Variants in EPHA5 observed in about 807,000 individuals in gnomAD.
EPHA5 encodes EPH receptor A5, also known as ephrin type-A receptor 5.
Under a neutral mutation model 105.0 loss-of-function variants are expected in EPHA5, and 60 were observed. The observed-to-expected ratio is 0.57, with a 90% CI of 0.46 to 0.71. The LOEUF (loss-of-function observed/expected upper bound fraction) is 0.71. Ranked by LOEUF, EPHA5 falls within the 30% of genes least tolerant of loss-of-function variation. The pLI is 0.00. For missense variants in EPHA5, 1,218 were observed against 1,274.7 expected, an observed-to-expected ratio of 0.96 and a Z score of 0.68; for synonymous variants, 513 against 449.1, an observed-to-expected ratio of 1.14 and a Z score of -1.80.
At chr4:65,525,819 A>C (rs941372196) in intron 3 of EPHA5, among the ~76,000 whole-genome samples, 2 of 151,906 alleles carry the variant, frequency 1.3e-5, no homozygotes, top group Non-Finnish European at 2.9e-5. Context: ...TCCTTCAAAC[A>C]AGTACCATGG....
At position 65,582,474 on chromosome 4, in the gene EPHA5, GAA is replaced by G. The variant is rs35859138; in HGVS notation, c.910+19165_910+19166del. 2.7e-4 allele frequency among the ~76,000 whole-genome samples: 37 copies of G among 139,450 alleles called. 1 individual carries two copies. Among genetic ancestry groups the G allele is most frequent in the East Asian group, 8.2e-4 (4 of 4,876 alleles). The allele number at this position is 139,450 out of a possible 152,430, so 91.5% of individuals were successfully genotyped here. ...GACACCAAAAGGGACTAGCAATTGGGAAAAAAAAAAAAAAGAAAATCCAGAAG... is the reference window on the plus strand; with the variant it reads ...GACACCAAAAGGGACTAGCAATTGGGAAAAAAAAAAAAGAAAATCCAGAAG... On this transcript the variant is annotated intron_variant, in intron 3 of 16. Transcript: ENST00000613740.
intron 5 of EPHA5, among the ~76,000 whole-genome samples, chr4:65,456,972 A>C (rs1274696459): frequency 2.0e-5 from 3 of 152,182 alleles, no homozygotes; most frequent in Admixed American, 6.6e-5. Flanking sequence ...TATGCATTAT[A>C]AATATCATTG....
In EPHA5 at chr4:65,566,970, A is replaced by G. The variant is rs527815865; in HGVS notation, c.910+34671T>C. Among the ~76,000 whole-genome samples, 30 of 151,674 alleles carry G rather than the reference A, an allele frequency of 2.0e-4. 1 individual carries two copies. In the South Asian group the frequency reaches 3.9e-3, roughly 20 times the overall value. On this transcript the variant is annotated intron_variant, in intron 3 of 16. Transcript: ENST00000613740. ...GCATGGTCAACCTCTTATAGGTCTT[A>G]TATACTTAATATAAAAGAACTATAC...
chr4:65,427,984 T>C (rs1450166009), intron 5 of EPHA5, among the ~76,000 whole-genome samples: 1 of 152,134 alleles, frequency 6.6e-6, no homozygotes, highest in African/African-American at 2.4e-5. Context: ...CAGATATAGA[T>C]AAATCCATAT....
intron 3 of EPHA5, among the ~76,000 whole-genome samples, chr4:65,530,961 A>AATTT (rs1468893789): frequency 7.9e-5 from 12 of 151,836 alleles, no homozygotes; most frequent in African/African-American, 2.9e-4. Flanking sequence ...TGCTTCCAGG[A>AATTT]ATTTGCTTTA....
chr4:65,412,461 T>C (rs1023295444), intron 7 of EPHA5, among the ~76,000 whole-genome samples: 8 of 152,150 alleles, frequency 5.3e-5, no homozygotes, highest in African/African-American at 1.9e-4. Context: ...CAAAAGGGAA[T>C]TGATATCTAA....
intron 8 of EPHA5, among the ~76,000 whole-genome samples, chr4:65,401,962 T>G (rs1376686271): frequency 1.3e-5 from 2 of 151,978 alleles, no homozygotes; most frequent in East Asian, 3.9e-4. Flanking sequence ...GGTTAGGCTT[T>G]GTGTCCCCAC....
chr4:65,347,687 A>G (rs969078519), intron 14 of EPHA5, among the ~76,000 whole-genome samples: 2 of 152,154 alleles, frequency 1.3e-5, no homozygotes, highest in African/African-American at 4.8e-5. Context: ...ATTGGTTTGG[A>G]GTATTAGCTG....
intron 5 of EPHA5, among the ~76,000 whole-genome samples, chr4:65,446,822 T>A (rs542317276): frequency 6.6e-6 from 1 of 152,000 alleles, no homozygotes; most frequent in Non-Finnish European, 1.5e-5. Context: ...AGTTGGAGAA[T>A]AAAACATCAA....
chr4:65,464,303 A>G (rs953425960), intron 5 of EPHA5, among the ~76,000 whole-genome samples: 1 of 152,030 alleles, frequency 6.6e-6, no homozygotes, highest in African/African-American at 2.4e-5. Context: ...TCTATTTGGA[A>G]CCACTTTAAA....
chr4:65,465,513 A>G (rs1358794974), intron 5 of EPHA5, among the ~76,000 whole-genome samples: 3 of 122,492 alleles, frequency 2.4e-5, no homozygotes, highest in African/African-American at 8.9e-5. Flanking sequence ...GAAAGAAAGA[A>G]AGAAAGAAAG....
chr4:65,626,121 A>C (rs1208660236), intron 2 of EPHA5, among the ~76,000 whole-genome samples: 3 of 149,296 alleles, frequency 2.0e-5, no homozygotes, highest in Non-Finnish European at 3.0e-5. Context: ...AAAAAAATGC[A>C]CTTTTAAAAA....
intron 3 of EPHA5, among the ~76,000 whole-genome samples, chr4:65,498,410 C>A (rs1197385596): frequency 1.3e-5 from 2 of 151,748 alleles, no homozygotes; most frequent in African/African-American, 4.8e-5. Context: ...AGTTATTAAG[C>A]CAAGGAATAA....
chr4:65,367,672 T>A (rs978372709), intron 8 of EPHA5, among the ~76,000 whole-genome samples: 8 of 152,218 alleles, frequency 5.3e-5, no homozygotes, highest in Middle Eastern at 3.4e-3. Flanking sequence ...GTTTTTAAAC[T>A]TCCCCTCACC....
chr4:65,667,680 A>G (rs1750071655), intron 1 of EPHA5, among the ~76,000 whole-genome samples: 1 of 152,268 alleles, frequency 6.6e-6, no homozygotes, highest in African/African-American at 2.4e-5. Context: ...TCCTCCCTGC[A>G]CAGTCTTGGC....
chr4:65,437,334 G>T (rs555527858), intron 5 of EPHA5, among the ~76,000 whole-genome samples: 3 of 151,980 alleles, frequency 2.0e-5, no homozygotes, highest in Admixed American at 2.0e-4. Flanking sequence ...AGTGGCTATT[G>T]TTCTTGCAAG....
intron 3 of EPHA5, among the ~76,000 whole-genome samples, chr4:65,566,305 A>G (rs1235528742): frequency 2.6e-5 from 4 of 151,760 alleles, no homozygotes. Flanking sequence ...TCTCTGGTAG[A>G]TGTGTATAGA....
intron 2 of EPHA5, among the ~76,000 whole-genome samples, chr4:65,640,602 T>G (rs2149510039): frequency 6.6e-6 from 1 of 152,260 alleles, no homozygotes; most frequent in Admixed American, 6.5e-5. Flanking sequence ...ATTTCTCTAT[T>G]AGCTTACATA....
chr4:65,570,739 C>T lies in EPHA5; in HGVS notation c.910+30902G>A, dbSNP rs193098002. On this transcript the variant is annotated intron_variant, in intron 3 of 16. Transcript: ENST00000613740. ...AGTATTCTAAGCAGAATTTCATTGT[C>T]TCTGTATATTTCTAACCATTGTCAT... 2.0e-4 allele frequency among the ~76,000 whole-genome samples: 30 copies of T among 152,010 alleles called. No individual in the cohort carries two copies. The East Asian group carries it at 4.2e-3, about 22-fold the overall frequency.
Sources: gnomAD v4.1 joint callset for allele counts (sites outside exome capture counted in the v4.1 genomes callset) on GRCh38, gnomAD v4.1.1 for gene constraint, MANE v1.5 for transcripts, NCBI Gene and HGNC (gene_info 2026-07-23, HGNC 2026-07-21) for gene names.